CETP: variants seen among roughly 807,000 people sequenced by gnomAD.
CETP encodes the protein BPI fold containing family F.
In CETP, 56 loss-of-function variants were observed where a neutral mutation model predicts 66.5. The observed-to-expected ratio is 0.84, with a 90% CI of 0.68 to 1.05. CETP has a LOEUF of 1.05. Among genes scored for constraint, CETP ranks in the 50% least tolerant of loss-of-function variants. The pLI, the probability that CETP is intolerant of heterozygous loss-of-function variation, is 0.00. For synonymous variants in CETP, 251 were observed against 245.7 expected, an observed-to-expected ratio of 1.02 and a Z score of -0.20; for missense variants, 612 against 609.6, an observed-to-expected ratio of 1.00 and a Z score of -0.04.
chr16:56,971,326 CAA>C lies in CETP; in HGVS notation c.605_606del (p.Lys202ArgfsTer7). ...LKLVLKGQIC[K>X]EINVISNIMA... is the part of the protein sequence containing the mutation. The stretch of plus-strand genomic sequence containing the variant: ...ACCTGCTCTGTCTGCCCCAGATCTG[CAA>C]AGAGATCAACGTCATCTCTAACATC... On this transcript the variant is annotated frameshift_variant, in exon 7 of 16. Coordinates refer to ENST00000200676, the MANE Select transcript of CETP (RefSeq NM_000078.3). LOFTEE classifies it high-confidence loss of function. 6.2e-7 allele frequency: 1 copy of C among 1,614,028 alleles called. No individual in the cohort carries two copies. The highest frequency in any genetic ancestry group is 8.5e-7 in the Non-Finnish European group (1 of 1,180,016).
chr16:56,966,717 A>C (rs1457398845), intron 2 of CETP, among the ~76,000 whole-genome samples: 1 of 150,530 alleles, frequency 6.6e-6, no homozygotes, highest in Non-Finnish European at 1.5e-5. Flanking sequence ...CTCCTGCCTC[A>C]ACCTCCCGAG....
chr16:56,972,147 C>G, intron 8 of CETP, 64 bp downstream of exon 8: 1 of 1,258,250 alleles, frequency 7.9e-7, no homozygotes, highest in Non-Finnish European at 1.2e-6. Context: ...CTTTTTTGTG[C>G]TCTGACAACC....
intron 2 of CETP, among the ~76,000 whole-genome samples, chr16:56,967,988 A>G (rs987109798): frequency 1.1e-3 from 165 of 152,008 alleles, no homozygotes; most frequent in African/African-American, 3.3e-3. Flanking sequence ...AAAAAAAAAA[A>G]AAGAAGAAGA....
chr16:56,981,589 G>T, intron 12 of CETP, 58 bp from the exon 13 acceptor site: 1 of 1,576,194 alleles, frequency 6.3e-7, no homozygotes, highest in Non-Finnish European at 8.7e-7. Flanking sequence ...CTTTCCCAGG[G>T]GATGTTACAG....
chr16:56,968,181 G>A (rs1185693800), intron 2 of CETP, among the ~76,000 whole-genome samples: 7 of 151,810 alleles, frequency 4.6e-5, no homozygotes, highest in South Asian at 2.1e-4. Flanking sequence ...GACCTGCAAC[G>A]TTTTGTCAAT....
intron 14 of CETP, 141 bp downstream of exon 14, chr16:56,982,378 C>T: frequency 2.5e-6 from 2 of 813,864 alleles, no homozygotes; most frequent in East Asian, 2.5e-5. Flanking sequence ...CCTTTCCTCT[C>T]CCTGCTGGTG....
At position 56,963,020 on chromosome 16, in the gene CETP, G is replaced by A; in HGVS notation, c.129G>A (p.Glu43=). The A allele has an allele frequency of 1.9e-6, 3 of 1,614,152 alleles. No individual in the cohort carries two copies. Among genetic ancestry groups the A allele is most frequent in the Non-Finnish European group, 2.5e-6 (3 of 1,179,990 alleles). ...TGCCCTCCCCTCTAGTGAACCACGA[G>A]ACTGCCAAGGTGATCCAGACCGCCT... ...TKPALLVLNH[E]TAKVIQTAFQ... is the part of the protein sequence containing the mutation. The change falls in exon 2 of 16, where the codon GAG becomes GAA. Residue 43 remains glutamate, a synonymous_variant. Transcript: ENST00000200676.
chr16:56,969,120 T>C (rs1403532922), intron 2 of CETP, among the ~76,000 whole-genome samples: 3 of 151,998 alleles, frequency 2.0e-5, no homozygotes, highest in Non-Finnish European at 2.9e-5. Flanking sequence ...TGTGATTGTA[T>C]TGGGACCACC....
intron 2 of CETP, among the ~76,000 whole-genome samples, chr16:56,965,725 G>A (rs1169715563): frequency 6.6e-6 from 1 of 152,128 alleles, no homozygotes; most frequent in Non-Finnish European, 1.5e-5. Flanking sequence ...TGCTCAAGCC[G>A]GGCCCTGGGG....
At chr16:56,972,345 G>T (rs2056117992) in intron 8 of CETP, among the ~76,000 whole-genome samples, 1 of 151,876 alleles carries the variant, frequency 6.6e-6, no homozygotes, top group Non-Finnish European at 1.5e-5. Context: ...CTTCCTAGAG[G>T]GCTTATTCGG....
At chr16:56,979,877 A>T (rs2056175994) in intron 11 of CETP, among the ~76,000 whole-genome samples, 1 of 152,234 alleles carries the variant, frequency 6.6e-6, no homozygotes, top group African/African-American at 2.4e-5. Flanking sequence ...ATAGAAAAAT[A>T]GAAAGAAGAA....
chr16:56,965,609 G>A lies in CETP; in HGVS notation c.233+2485G>A, dbSNP rs565689325. On this transcript the variant is annotated intron_variant, in intron 2 of 15. Transcript: ENST00000200676. The stretch of plus-strand genomic sequence containing the variant: ...AGCAATAGTGACTACCTCGTGGGTA[G>A]CTGTGAGGATTAAACCAGGAAATGT... 5.9e-5 allele frequency among the ~76,000 whole-genome samples: 9 copies of A among 152,192 alleles called. 1 individual carries two copies. The highest frequency in any genetic ancestry group is 1.3e-4 in the Non-Finnish European group (9 of 68,034).
chr16:56,973,129 G>A (rs1165908656), intron 8 of CETP, among the ~76,000 whole-genome samples: 6 of 152,208 alleles, frequency 3.9e-5, no homozygotes, highest in Non-Finnish European at 7.3e-5. Flanking sequence ...CACTTCCCAC[G>A]GTGGTTGAGA....
rs189866004 is a variant in CETP, at chr16:56,978,732, T to G, written c.1146+477T>G. ...AACTCCTGGCCTCAAGCAATTCTCC[T>G]GCCTTGGCCTCCTAAGTTGCTGGGG... On this transcript the variant is annotated intron_variant, in intron 11 of 15. Coordinates refer to ENST00000200676, the MANE Select transcript of CETP (RefSeq NM_000078.3). 4.1e-3 allele frequency among the ~76,000 whole-genome samples: 628 copies of G among 152,310 alleles called. 1 individual carries two copies. Among genetic ancestry groups the G allele is most frequent in the Non-Finnish European group, 7.9e-3 (535 of 68,014 alleles).
At chr16:56,982,296 C>T (rs1459284210) in intron 14 of CETP, 59 bp downstream of exon 14, 1 of 1,505,954 alleles carries the variant, frequency 6.6e-7, no homozygotes, top group Non-Finnish European at 9.2e-7. Context: ...CCCATTTCAC[C>T]TTGTGGGCCC....
rs760584824 is a variant in CETP, at chr16:56,975,065, C to T, written c.931-36C>T. ...GTTTTCTTCTGAGGAGTGGACTTTACTCCACCCACCCTCCAACTTCCTCAT... is the reference window on the plus strand; with the variant it reads ...GTTTTCTTCTGAGGAGTGGACTTTATTCCACCCACCCTCCAACTTCCTCAT... On this transcript the variant is annotated intron_variant, in intron 9 of 15. Transcript: ENST00000200676. The T allele has an allele frequency of 1.9e-6, 3 of 1,604,510 alleles. No homozygotes were observed. The African/African-American group carries it at 4.0e-5, about 21-fold the overall frequency.
intron 2 of CETP, among the ~76,000 whole-genome samples, chr16:56,968,271 C>T (rs762551752): frequency 5.3e-5 from 8 of 152,022 alleles, no homozygotes; most frequent in African/African-American, 9.7e-5. Context: ...CTGCAACTTC[C>T]GCCTCGTGGG....
intron 1 of CETP, among the ~76,000 whole-genome samples, chr16:56,962,676 A>T (rs567492383): frequency 1.3e-5 from 2 of 152,208 alleles, no homozygotes; most frequent in Non-Finnish European, 2.9e-5. Flanking sequence ...GACTACAGAC[A>T]GTGTCACAGC....
At chr16:56,968,405 A>G (rs1019761370) in intron 2 of CETP, among the ~76,000 whole-genome samples, 1 of 152,020 alleles carries the variant, frequency 6.6e-6, no homozygotes, top group East Asian at 1.9e-4. Flanking sequence ...CAGGCTGGTC[A>G]TGAACTCCTG....
Sources: gnomAD v4.1 joint callset for allele counts (sites outside exome capture counted in the v4.1 genomes callset) on GRCh38, gnomAD v4.1.1 for gene constraint, MANE v1.5 for transcripts, NCBI Gene and HGNC (gene_info 2026-07-23, HGNC 2026-07-21) for gene names.